The following LHX2 variants were observed in gnomAD, a reference collection of about 807,000 sequenced individuals.
The protein encoded by LHX2 is LIM/homeobox protein Lhx2.
LHX2 carries 6 observed loss-of-function variants against 33.0 expected under a neutral mutation model. The observed-to-expected ratio is 0.18, with a 90% CI of 0.10 to 0.36. The LOEUF (loss-of-function observed/expected upper bound fraction) is 0.36. Ranked by LOEUF, LHX2 falls within the 10% of genes least tolerant of loss-of-function variation. LHX2 has a pLI of 1.00. For synonymous variants in LHX2, 292 were observed against 253.1 expected, an observed-to-expected ratio of 1.15 and a Z score of -1.46; for missense variants, 442 against 586.2, an observed-to-expected ratio of 0.75 and a Z score of 2.54.
At position 124,012,897 on chromosome 9, in the gene LHX2, C is replaced by T. The variant is rs886978337; in HGVS notation, c.120+429C>T. On this transcript the variant is annotated intron_variant, in intron 1 of 4. Transcript: ENST00000373615. This position sits in a 1 kb window ranked among gnomAD's most constrained non-coding sequence, Gnocchi z 4.3. ...GGCTCCAGCCGGCTTGGGCCGCTCC[C>T]AGCTTTCCGGCAATCGGGGATCCTC... Among the ~76,000 whole-genome samples, 4 of 152,232 alleles carry T rather than the reference C, an allele frequency of 2.6e-5. No homozygotes were observed. The highest frequency in any genetic ancestry group is 1.5e-5 in the Non-Finnish European group (1 of 68,042).
chr9:124,012,371 GC>G lies in LHX2; in HGVS notation c.27del (p.Glu10ArgfsTer119). MLFHSLS[G>X]PEVHGVIDEM... ...GCGATGCTGTTCCACAGTCTGTCGG[GC>G]CCCGAGGTGCACGGGGTCATCGACG... On this transcript the variant is annotated frameshift_variant, in exon 1 of 5. Coordinates refer to ENST00000373615, the MANE Select transcript of LHX2 (RefSeq NM_004789.4). LOFTEE classifies it high-confidence loss of function. The surrounding 1 kb of genome is among the most constrained non-coding windows in gnomAD (Gnocchi z 4.3). 2 of 1,526,244 alleles carry G rather than the reference GC, an allele frequency of 1.3e-6. No homozygotes were observed. The highest frequency in any genetic ancestry group is 2.0e-5 in the Admixed American group (1 of 50,204). The allele number at this position is 1,526,244 out of a possible 1,614,324, so 94.5% of individuals were successfully genotyped here. A position where few individuals can be genotyped will look rare whatever the true frequency, so the allele number is the denominator to read the frequency against.
chr9:124,013,907 AG>A, intron 1 of LHX2, 53 bp from the exon 2 acceptor site: 1 of 1,559,446 alleles, frequency 6.4e-7, no homozygotes. Flanking sequence ...CCGGCGGCGG[AG>A]GGGCCGCTGG....
Position 124,021,286 on chromosome 9 carries a change from C to T in LHX2, c.915C>T (p.Leu305=), listed in dbSNP as rs1859288702. The T allele has an allele frequency of 1.2e-6, 2 of 1,613,680 alleles. No individual in the cohort carries two copies. The highest frequency in any genetic ancestry group is 1.3e-5 in the African/African-American group (1 of 74,946). Residue 305 remains leucine, a synonymous_variant, in exon 4 of 5, where the codon CTC becomes CTT. Coordinates refer to ENST00000373615, the MANE Select transcript of LHX2 (RefSeq NM_004789.4). ...AGCAGCTCGCGCAAAAGACGGGCCT[C>T]ACCAAGCGGGTCCTCCAGGTCAGCC... ...DLKQLAQKTG[L]TKRVLQVWFQ... is the part of the protein sequence containing the mutation.
Position 124,012,275 on chromosome 9 carries a change from C to A in LHX2, c.-74C>A. ...GCACCGGGCCCGTTAGCGCCAGGAG[C>A]GCCAGGCAGCTGAGGCGGGGGGCAA... is the stretch of plus-strand genomic sequence containing the variant. On this transcript the variant is annotated 5_prime_UTR_variant, in exon 1 of 5. Coordinates refer to ENST00000373615, the MANE Select transcript of LHX2 (RefSeq NM_004789.4). The surrounding 1 kb of genome is among the most constrained non-coding windows in gnomAD (Gnocchi z 4.3). 2 of 1,378,312 alleles carry A rather than the reference C, an allele frequency of 1.5e-6. No individual in the cohort carries two copies. Among genetic ancestry groups the A allele is most frequent in the South Asian group, 1.5e-5 (1 of 64,950 alleles). 85.4% of individuals were successfully genotyped at this position (1,378,312 alleles called of 1,614,324 possible). A position where few individuals can be genotyped will look rare whatever the true frequency, so the allele number is the denominator to read the frequency against.
chr9:124,013,913 C>T (rs562652732), intron 1 of LHX2, 48 bp from the exon 2 acceptor site: 3 of 1,577,136 alleles, frequency 1.9e-6, no homozygotes, highest in Middle Eastern at 2.3e-4. Context: ...GCGGAGGGGC[C>T]GCTGGCTGAC....
At chr9:124,022,900 G>A (rs1859318801) in intron 4 of LHX2, among the ~76,000 whole-genome samples, 1 of 152,192 alleles carries the variant, frequency 6.6e-6, no homozygotes, top group African/African-American at 2.4e-5. Flanking sequence ...CGTAGCCGAG[G>A]GAGGGAGCGT....
intron 3 of LHX2, among the ~76,000 whole-genome samples, chr9:124,020,855 T>C (rs560917395): frequency 6.6e-6 from 1 of 152,142 alleles, no homozygotes; most frequent in Non-Finnish European, 1.5e-5. Flanking sequence ...CAGAATGATT[T>C]TTGGATTCTC....
rs1205737329 is a variant in LHX2, at chr9:124,016,187, C to G, written c.727+662C>G. Among the ~76,000 whole-genome samples the G allele has an allele frequency of 9.1e-6, 1 of 109,294 alleles. No homozygotes were observed. Among genetic ancestry groups the G allele is most frequent in the East Asian group, 3.0e-4 (1 of 3,320 alleles). The allele number at this position is 109,294 out of a possible 152,430, so 71.7% of individuals were successfully genotyped here. A position where few individuals can be genotyped will look rare whatever the true frequency, so the allele number is the denominator to read the frequency against. On this transcript the variant is annotated intron_variant, in intron 3 of 4. Coordinates refer to ENST00000373615, the MANE Select transcript of LHX2 (RefSeq NM_004789.4). The surrounding 1 kb of genome is among the most constrained non-coding windows in gnomAD (Gnocchi z 4.4). ...CCGTGACCCTCGGAAGCGAGCCCCC[C>G]GGGCGGGGACGAGACCGGAGCAGGC...
In LHX2 at chr9:124,011,982, C is replaced by A. The variant is rs1021486662; in HGVS notation, c.-367C>A. On this transcript the variant is annotated 5_prime_UTR_variant, in exon 1 of 5. Coordinates refer to ENST00000373615, the MANE Select transcript of LHX2 (RefSeq NM_004789.4). ...GGGCAGAGTTTGCGCCCTTGCTTTG[C>A]GCCCCGGGCGCTGAAGCCGGGCGGG... is the stretch of plus-strand genomic sequence containing the variant. The A allele has an allele frequency of 6.6e-6, 1 of 152,420 alleles. No individual in the cohort carries two copies. The highest frequency in any genetic ancestry group is 1.5e-5 in the Non-Finnish European group (1 of 68,228). 9.4% of individuals were successfully genotyped at this position (152,420 alleles called of 1,614,324 possible). A position where few individuals can be genotyped will look rare whatever the true frequency, so the allele number is the denominator to read the frequency against.
At chr9:124,021,862 A>T (rs1859299204) in intron 4 of LHX2, 1 of 152,642 alleles carries the variant, frequency 6.6e-6, no homozygotes, top group Non-Finnish European at 1.5e-5. Flanking sequence ...CTCTCCTGGA[A>T]GCAAGGTTTG....
intron 4 of LHX2, among the ~76,000 whole-genome samples, chr9:124,026,688 G>A (rs1828630158): frequency 1.3e-5 from 2 of 152,146 alleles, no homozygotes; most frequent in African/African-American, 2.4e-5. Context: ...TGAGAAATCT[G>A]GAAGAGACTC....
Position 124,032,713 on chromosome 9 carries a change from C to A in LHX2, c.*6C>A. 1 of 1,562,684 alleles carries A rather than the reference C, an allele frequency of 6.4e-7. No homozygotes were observed. The highest frequency in any genetic ancestry group is 8.7e-7 in the Non-Finnish European group (1 of 1,148,324). On this transcript the variant is annotated 3_prime_UTR_variant, in exon 5 of 5. Coordinates refer to ENST00000373615, the MANE Select transcript of LHX2 (RefSeq NM_004789.4). This position sits in a 1 kb window ranked among gnomAD's most constrained non-coding sequence, Gnocchi z 4.1. ...CTCTTACCAACCTTTTCTAATGACT[C>A]GCAACCCCTCACCCCACAATTTCTT... is the stretch of plus-strand genomic sequence containing the variant.
At chr9:124,017,449 C>G (rs1326200391) in intron 3 of LHX2, among the ~76,000 whole-genome samples, 1 of 152,224 alleles carries the variant, frequency 6.6e-6, no homozygotes, top group African/African-American at 2.4e-5. Flanking sequence ...TCCGCCCTTC[C>G]CTCCCCTCCC....
At chr9:124,027,582 G>A (rs1828645140) in intron 4 of LHX2, among the ~76,000 whole-genome samples, 1 of 152,140 alleles carries the variant, frequency 6.6e-6, no homozygotes, top group African/African-American at 2.4e-5. Flanking sequence ...ACTTTGGGAG[G>A]CCGAGGTGGG....
chr9:124,015,644 C>G lies in LHX2; in HGVS notation c.727+119C>G. The G allele has an allele frequency of 8.6e-7, 1 of 1,169,368 alleles. No individual in the cohort carries two copies. Among genetic ancestry groups the G allele is most frequent in the Non-Finnish European group, 1.2e-6 (1 of 863,636 alleles). The allele number at this position is 1,169,368 out of a possible 1,614,324, so 72.4% of individuals were successfully genotyped here. ...CAAATAGCGAGCCTTAAGCACCGGA[C>G]GGCCTCGCAGAAGGGACATTAGCCC... On this transcript the variant is annotated intron_variant, in intron 3 of 4. Transcript: ENST00000373615. This position sits in a 1 kb window ranked among gnomAD's most constrained non-coding sequence, Gnocchi z 7.9.
chr9:124,032,365 G>GT lies in LHX2; in HGVS notation c.934-55_934-54insT, dbSNP rs1344607847. On this transcript the variant is annotated intron_variant, in intron 4 of 4. Coordinates refer to ENST00000373615, the MANE Select transcript of LHX2 (RefSeq NM_004789.4). The surrounding 1 kb of genome is among the most constrained non-coding windows in gnomAD (Gnocchi z 4.1). ...AGCAGAGCTCTGAGTGAAGCAGTCG[G>GT]GGGGATGCTCTGCCTGCCTTCCGCT... 1 of 1,526,248 alleles carries GT rather than the reference G, an allele frequency of 6.6e-7. No individual in the cohort carries two copies. The highest frequency in any genetic ancestry group is 1.4e-5 in the African/African-American group (1 of 73,636). 94.5% of individuals were successfully genotyped at this position (1,526,248 alleles called of 1,614,324 possible).
At chr9:124,027,696 T>C (rs190097485) in intron 4 of LHX2, among the ~76,000 whole-genome samples, 2 of 152,254 alleles carry the variant, frequency 1.3e-5, no homozygotes, top group East Asian at 1.9e-4. Context: ...CACATGCTTG[T>C]ATTCCCAGCT....
In LHX2 at chr9:124,012,560, C is replaced by A; in HGVS notation, c.120+92C>A. 7.4e-7 allele frequency: 1 copy of A among 1,353,986 alleles called. No individual in the cohort carries two copies. The allele number at this position is 1,353,986 out of a possible 1,614,324, so 83.9% of individuals were successfully genotyped here. A position where few individuals can be genotyped will look rare whatever the true frequency, so the allele number is the denominator to read the frequency against. On this transcript the variant is annotated intron_variant, in intron 1 of 4. Transcript: ENST00000373615. This position sits in a 1 kb window ranked among gnomAD's most constrained non-coding sequence, Gnocchi z 4.3. ...TCCCCGAAGTTTGGGGAGCGTCCTT[C>A]GTGCCGCACGGGACTGGGTGCTGGG...
chr9:124,031,011 G>A (rs924946144), intron 4 of LHX2, among the ~76,000 whole-genome samples: 1 of 152,106 alleles, frequency 6.6e-6, no homozygotes, highest in Non-Finnish European at 1.5e-5. Flanking sequence ...GTGTGTGTCT[G>A]TGCCCAAGGA....
Sources: allele counts gnomAD v4.1 joint callset (sites outside exome capture counted in the v4.1 genomes callset), GRCh38; gene constraint gnomAD v4.1.1; non-coding constraint Gnocchi (gnomAD v3.1); transcripts MANE v1.5; gene names NCBI Gene and HGNC (gene_info 2026-07-23, HGNC 2026-07-21).